Variants in CYP39A1 observed in about 807,000 individuals in gnomAD.
CYP39A1 encodes the protein cytochrome P450 family 39 subfamily A member 1.
Under a neutral mutation model 58.1 loss-of-function variants are expected in CYP39A1, and 49 were observed. The ratio of observed to expected loss-of-function variants is 0.84; its 90% confidence interval spans 0.67 to 1.07. The LOEUF (loss-of-function observed/expected upper bound fraction) is 1.07, where lower values mean the gene tolerates loss of function less well. Among genes scored for constraint, CYP39A1 ranks in the 50% least tolerant of loss-of-function variants. CYP39A1 has a pLI of 0.00. For synonymous variants in CYP39A1, 209 were observed against 187.6 expected (o/e 1.11, Z -0.93); for missense variants, 531 against 539.4 (o/e 0.98, Z 0.16).
At position 46,549,825 on chromosome 6, in the gene CYP39A1, CATTTT is replaced by C. The variant is rs1770297547; in HGVS notation, c.*536_*540del. 2 of 152,188 alleles carry C rather than the reference CATTTT, an allele frequency of 1.3e-5. No homozygotes were observed. Among genetic ancestry groups the C allele is most frequent in the Admixed American group, 6.6e-5 (1 of 15,250 alleles). 9.4% of individuals were successfully genotyped at this position (152,188 alleles called of 1,614,324 possible). A position where few individuals can be genotyped will look rare whatever the true frequency, so the allele number is the denominator to read the frequency against. On this transcript the variant is annotated 3_prime_UTR_variant, in exon 12 of 12. Transcript: ENST00000275016. ...GTCCTCACAGGTCTCAGAAAACTACCATTTTATTACTTTTAGCATTAGATACGTTT... is the reference window on the plus strand; with the variant it reads ...GTCCTCACAGGTCTCAGAAAACTACCATTACTTTTAGCATTAGATACGTTT...
chr6:46,630,773 C>T (rs1350052981), intron 6 of CYP39A1, among the ~76,000 whole-genome samples, 190 bp downstream of exon 6: 1 of 152,180 alleles, frequency 6.6e-6, no homozygotes, highest in Non-Finnish European at 1.5e-5. Context: ...TGTTTCGTCT[C>T]CTTTGTAACC....
chr6:46,595,943 T>C (rs756868778), intron 8 of CYP39A1, 44 bp downstream of exon 8: 4 of 1,578,722 alleles, frequency 2.5e-6, no homozygotes, highest in Non-Finnish European at 3.4e-6. Flanking sequence ...ATGTGTACTT[T>C]TTTTGTAGAA....
intron 7 of CYP39A1, among the ~76,000 whole-genome samples, chr6:46,601,698 T>TTAC (rs1773519278): frequency 6.8e-6 from 1 of 146,866 alleles, no homozygotes; most frequent in South Asian, 2.1e-4. Context: ...ATTATTATTA[T>TTAC]TATTTAGAGA....
At chr6:46,555,321 C>T (rs574730807) in intron 10 of CYP39A1, among the ~76,000 whole-genome samples, 103 of 152,348 alleles carry the variant, frequency 6.8e-4, no homozygotes, top group Middle Eastern at 3.4e-3. Flanking sequence ...TCCTCTCCAC[C>T]ACATGGTTCC....
At chr6:46,556,715 A>C (rs1304750411) in intron 10 of CYP39A1, among the ~76,000 whole-genome samples, 1 of 152,224 alleles carries the variant, frequency 6.6e-6, no homozygotes, top group African/African-American at 2.4e-5. Context: ...GAAGCTTAAA[A>C]ACAAGTTTTG....
chr6:46,643,162 A>T (rs980666789), intron 1 of CYP39A1, among the ~76,000 whole-genome samples: 1 of 152,196 alleles, frequency 6.6e-6, no homozygotes, highest in Admixed American at 6.5e-5. Flanking sequence ...GGGAAAAAAA[A>T]GTCATCATTT....
chr6:46,602,020 T>TC (rs1264310495), intron 7 of CYP39A1, among the ~76,000 whole-genome samples: 1 of 152,086 alleles, frequency 6.6e-6, no homozygotes, highest in Non-Finnish European at 1.5e-5. Flanking sequence ...TAACCCGGGA[T>TC]CCCCCAAATA....
chr6:46,569,486 G>A (rs1771467489), intron 10 of CYP39A1, among the ~76,000 whole-genome samples: 1 of 152,022 alleles, frequency 6.6e-6, no homozygotes, highest in Admixed American at 6.6e-5. Context: ...TAACCATTGA[G>A]TATGATGTTA....
intron 7 of CYP39A1, among the ~76,000 whole-genome samples, chr6:46,620,338 A>C (rs1428325724): frequency 6.6e-6 from 1 of 152,140 alleles, no homozygotes. Context: ...TTCCTAGAAG[A>C]CCTTACTTGC....
chr6:46,647,214 A>G (rs1464611487), intron 1 of CYP39A1, among the ~76,000 whole-genome samples: 4 of 152,158 alleles, frequency 2.6e-5, no homozygotes, highest in Admixed American at 2.6e-4. Flanking sequence ...GGTTCAATCT[A>G]TCTTTTATTT....
intron 10 of CYP39A1, among the ~76,000 whole-genome samples, chr6:46,571,414 T>A (rs749922911): frequency 6.6e-6 from 1 of 152,168 alleles, no homozygotes; most frequent in Non-Finnish European, 1.5e-5. Context: ...TGATGTTGGG[T>A]ACACATATAT....
intron 8 of CYP39A1, among the ~76,000 whole-genome samples, chr6:46,588,535 C>T (rs1772619080): frequency 6.6e-6 from 1 of 152,006 alleles, no homozygotes; most frequent in South Asian, 2.1e-4. Context: ...GCAGAAACTA[C>T]AGTGGAGGCT....
chr6:46,555,736 T>C (rs1184340898), intron 10 of CYP39A1, among the ~76,000 whole-genome samples: 2 of 152,202 alleles, frequency 1.3e-5, no homozygotes, highest in Non-Finnish European at 2.9e-5. Flanking sequence ...TGTATACATA[T>C]CAATGATCTC....
In CYP39A1 at chr6:46,626,547, A is replaced by G. The variant is rs561648974; in HGVS notation, c.841-1039T>C. Among the ~76,000 whole-genome samples, 11 of 152,290 alleles carry G rather than the reference A, an allele frequency of 7.2e-5. No individual in the cohort carries two copies. In the South Asian group the frequency reaches 2.1e-3, roughly 29 times the overall value. ...AGTGCTCAAATAAGCCAAATTCAAT[A>G]CTGTTCATTATTTTTCCCTTTCTAA... On this transcript the variant is annotated intron_variant, in intron 6 of 11. Transcript: ENST00000275016.
intron 5 of CYP39A1, among the ~76,000 whole-genome samples, chr6:46,634,135 T>C (rs1177942391): frequency 6.6e-6 from 1 of 152,114 alleles, no homozygotes; most frequent in Non-Finnish European, 1.5e-5. Flanking sequence ...CAGTGGGAGG[T>C]AACCGAATCA....
intron 7 of CYP39A1, among the ~76,000 whole-genome samples, chr6:46,617,265 C>T (rs1010824761): frequency 6.6e-6 from 1 of 152,056 alleles, no homozygotes; most frequent in African/African-American, 2.4e-5. Context: ...TATAAGTTTA[C>T]TTATATGTAA....
At chr6:46,601,760 A>T (rs1246763596) in intron 7 of CYP39A1, among the ~76,000 whole-genome samples, 1 of 151,450 alleles carries the variant, frequency 6.6e-6, no homozygotes, top group African/African-American at 2.4e-5. Flanking sequence ...ACCTCAGGTG[A>T]TCCGCCCATC....
At chr6:46,574,481 G>C (rs1328959247) in intron 10 of CYP39A1, among the ~76,000 whole-genome samples, 2 of 152,144 alleles carry the variant, frequency 1.3e-5, no homozygotes, top group African/African-American at 2.4e-5. Context: ...GAAGGAATTA[G>C]GTGATGAGGA....
At chr6:46,639,312 G>C (rs945905920) in intron 3 of CYP39A1, among the ~76,000 whole-genome samples, 182 bp downstream of exon 3, 1 of 150,608 alleles carries the variant, frequency 6.6e-6, no homozygotes, top group Non-Finnish European at 1.5e-5. Context: ...TTAAAAGATT[G>C]GTGACAGAGC....
Sources: allele counts gnomAD v4.1 joint callset (sites outside exome capture counted in the v4.1 genomes callset), GRCh38; gene constraint gnomAD v4.1.1; transcripts MANE v1.5; gene names NCBI Gene and HGNC (gene_info 2026-07-23, HGNC 2026-07-21).